ENTREP2: variants seen among roughly 807,000 people sequenced by gnomAD.
ENTREP2 encodes the protein endosomal transmembrane epsin interactor 2.
the ENTREP2 span, among the ~76,000 whole-genome samples, chr15:29,222,145 T>C: frequency 6.2e-3 from 940 of 152,302 alleles, 7 homozygotes; most frequent in African/African-American, 0.021. Context: ...CATAAAGACC[T>C]TGCTGATAAA....
the ENTREP2 span, among the ~76,000 whole-genome samples, chr15:29,357,776 T>C: frequency 8.6e-5 from 13 of 151,880 alleles, no homozygotes; most frequent in South Asian, 2.5e-3. Flanking sequence ...GAGGCGGAGC[T>C]TGCAGTGAGC....
At chr15:29,142,138 CTCCCCTGGCTGGCT>C in the ENTREP2 span, among the ~76,000 whole-genome samples, 729 of 152,272 alleles carry the variant, frequency 4.8e-3, 5 homozygotes, top group South Asian at 0.03. Context: ...GAAGGTCTGT[CTCCCCTGGCTGGCT>C]TCCCCTGGCT....
At chr15:29,337,687 T>A in the ENTREP2 span, among the ~76,000 whole-genome samples, 2 of 152,004 alleles carry the variant, frequency 1.3e-5, no homozygotes, top group African/African-American at 4.8e-5. Context: ...CTAATCAGAG[T>A]TTGGCAATGC....
At chr15:29,483,818 T>G in the ENTREP2 span, among the ~76,000 whole-genome samples, 1 of 152,232 alleles carries the variant, frequency 6.6e-6, no homozygotes, top group African/African-American at 2.4e-5. Flanking sequence ...CAAAATCACT[T>G]GCTGAGATTT....
the ENTREP2 span, chr15:29,123,261 T>C: frequency 1.4e-6 from 2 of 1,408,002 alleles, no homozygotes; most frequent in Non-Finnish European, 1.9e-6. Context: ...TGAAGGCCTC[T>C]TTGTCAGGCA....
chr15:29,131,473 G>C, the ENTREP2 span, among the ~76,000 whole-genome samples: 1 of 149,992 alleles, frequency 6.7e-6, no homozygotes, highest in Non-Finnish European at 1.5e-5. Context: ...GACATCCAAA[G>C]CCATAAAATA....
chr15:29,497,133 C>T, the ENTREP2 span, among the ~76,000 whole-genome samples: 1 of 152,138 alleles, frequency 6.6e-6, no homozygotes, highest in African/African-American at 2.4e-5. Flanking sequence ...CTCTTTTTCT[C>T]TTCTGCCTTC....
At chr15:29,234,492 C>T in the ENTREP2 span, 4 of 1,448,254 alleles carry the variant, frequency 2.8e-6, no homozygotes, top group South Asian at 1.1e-5. Flanking sequence ...TATATTTGTA[C>T]TGAGCTATAA....
At chr15:29,664,401 A>G in the ENTREP2 span, among the ~76,000 whole-genome samples, 1 of 151,898 alleles carries the variant, frequency 6.6e-6, no homozygotes, top group Non-Finnish European at 1.5e-5. Flanking sequence ...TTGCAAGCCA[A>G]CTATAATTTT....
chr15:29,151,708 G>C, the ENTREP2 span: 11 of 1,519,784 alleles, frequency 7.2e-6, no homozygotes, highest in South Asian at 1.3e-4. Context: ...AAACCGCGCA[G>C]AGGAGGAGGG....
chr15:29,649,996 A>G, the ENTREP2 span, among the ~76,000 whole-genome samples: 1 of 152,158 alleles, frequency 6.6e-6, no homozygotes, highest in Non-Finnish European at 1.5e-5. Flanking sequence ...CCACCCCCAC[A>G]AAAAAATTGT....
chr15:29,595,743 C>T, the ENTREP2 span, among the ~76,000 whole-genome samples: 2 of 152,184 alleles, frequency 1.3e-5, no homozygotes, highest in African/African-American at 2.4e-5. Context: ...TACTGAAGGA[C>T]ATTTTGGACA....
At chr15:29,448,203 T>A in the ENTREP2 span, among the ~76,000 whole-genome samples, 2 of 152,130 alleles carry the variant, frequency 1.3e-5, no homozygotes, top group Non-Finnish European at 2.9e-5. Flanking sequence ...GGCCTATAGG[T>A]GGGTCACCAT....
At chr15:29,416,268 A>G in the ENTREP2 span, among the ~76,000 whole-genome samples, 1 of 152,224 alleles carries the variant, frequency 6.6e-6, no homozygotes, top group Non-Finnish European at 1.5e-5. Context: ...TACAGTAACC[A>G]AAACAGCATG....
chr15:29,566,223 G>A, the ENTREP2 span, among the ~76,000 whole-genome samples: 12 of 151,674 alleles, frequency 7.9e-5, no homozygotes, highest in South Asian at 6.3e-4. Flanking sequence ...GCAGTGGCGC[G>A]ATCTCACTCA....
the ENTREP2 span, among the ~76,000 whole-genome samples, chr15:29,672,769 G>C: frequency 6.6e-6 from 1 of 152,092 alleles, no homozygotes; most frequent in East Asian, 1.9e-4. Flanking sequence ...TGGTGGGTTG[G>C]GGGGGTTGGA....
chr15:29,363,375 G>A, the ENTREP2 span, among the ~76,000 whole-genome samples: 1 of 152,120 alleles, frequency 6.6e-6, no homozygotes, highest in African/African-American at 2.4e-5. Context: ...TCATATTAAA[G>A]GTTAAGATGA....
the ENTREP2 span, among the ~76,000 whole-genome samples, chr15:29,240,926 TG>T: frequency 6.6e-6 from 1 of 152,218 alleles, no homozygotes; most frequent in African/African-American, 2.4e-5. Flanking sequence ...ATGATCATCA[TG>T]CAGTCAGTAT....
the ENTREP2 span, among the ~76,000 whole-genome samples, chr15:29,378,212 TAAA>T: frequency 1.4e-5 from 2 of 145,586 alleles, no homozygotes; most frequent in Non-Finnish European, 3.0e-5. Flanking sequence ...TAAAAACTCT[TAAA>T]AAAAAAAAAG....
Sources: gnomAD v4.1 joint callset for allele counts (sites outside exome capture counted in the v4.1 genomes callset) on GRCh38, gnomAD v4.1.1 for gene constraint, MANE v1.5 for transcripts, NCBI Gene and HGNC (gene_info 2026-07-23, HGNC 2026-07-21) for gene names.